Variants in MCPH1 observed in about 807,000 individuals in gnomAD.
The protein encoded by MCPH1 is microcephalin.
Under a neutral mutation model 84.5 loss-of-function variants are expected in MCPH1, and 104 were observed. That is an observed-to-expected ratio of 1.23 (90% CI 1.05 to 1.45). The LOEUF (loss-of-function observed/expected upper bound fraction) is 1.45. Among genes scored for constraint, MCPH1 ranks in the 40% most tolerant of loss-of-function variants. The probability of loss-of-function intolerance (pLI) is 0.00; values close to 1 mark genes in which losing one functional copy is unlikely to be tolerated. For synonymous variants in MCPH1, 514 were observed against 366.8 expected (o/e 1.40, Z -4.58); for missense variants, 1,498 against 1,005.7 (o/e 1.49, Z -6.62).
intron 9 of MCPH1, among the ~76,000 whole-genome samples, chr8:6,461,387 C>T (rs1230405335): frequency 6.8e-6 from 1 of 147,016 alleles, no homozygotes; most frequent in Non-Finnish European, 1.5e-5. Flanking sequence ...GTGCAGTGGC[C>T]CAGTCTTGGC....
intron 12 of MCPH1, chr8:6,521,546 C>G (rs1242887593): frequency 6.0e-6 from 4 of 661,368 alleles, no homozygotes; most frequent in Non-Finnish European, 9.9e-6. Flanking sequence ...TACCAGAGCC[C>G]TAAGGAATCT....
intron 13 of MCPH1, chr8:6,635,203 GGTT>G (rs1465587003): frequency 6.6e-6 from 1 of 152,184 alleles, no homozygotes; most frequent in African/African-American, 2.4e-5. Flanking sequence ...ATGAGGCTCC[GGTT>G]GTTCATTTCA....
chr8:6,417,959 C>G (rs1352901827), intron 3 of MCPH1, among the ~76,000 whole-genome samples: 1 of 152,188 alleles, frequency 6.6e-6, no homozygotes, highest in Non-Finnish European at 1.5e-5. Flanking sequence ...AAGCAGTTAA[C>G]TTGTCGTTAA....
intron 12 of MCPH1, among the ~76,000 whole-genome samples, chr8:6,546,451 C>G (rs765321888): frequency 1.3e-5 from 2 of 152,144 alleles, no homozygotes; most frequent in Non-Finnish European, 2.9e-5. Context: ...CAATTTGATT[C>G]CAAAGTTTGA....
intron 12 of MCPH1, among the ~76,000 whole-genome samples, chr8:6,575,072 C>T (rs1826959013): frequency 6.6e-6 from 1 of 152,144 alleles, no homozygotes; most frequent in Non-Finnish European, 1.5e-5. Flanking sequence ...AGCAGAGAGG[C>T]AATGCATGCA....
At chr8:6,454,007 C>G (rs1392256328) in intron 8 of MCPH1, among the ~76,000 whole-genome samples, 1 of 152,138 alleles carries the variant, frequency 6.6e-6, no homozygotes, top group African/African-American at 2.4e-5. Context: ...ATTCTACATC[C>G]TTTTTCACTG....
At chr8:6,443,295 A>G (rs1803782623) in intron 7 of MCPH1, among the ~76,000 whole-genome samples, 1 of 152,254 alleles carries the variant, frequency 6.6e-6, no homozygotes, top group Admixed American at 6.5e-5. Context: ...GGGTTTTTGA[A>G]AAGTGTGATA....
At chr8:6,561,327 A>G (rs1193910764) in intron 12 of MCPH1, among the ~76,000 whole-genome samples, 1 of 152,226 alleles carries the variant, frequency 6.6e-6, no homozygotes, top group Non-Finnish European at 1.5e-5. Context: ...TTGTTGTTTT[A>G]AATGACTCCT....
intron 3 of MCPH1, among the ~76,000 whole-genome samples, chr8:6,421,112 G>A (rs1800131640): frequency 6.6e-6 from 1 of 152,190 alleles, no homozygotes; most frequent in South Asian, 2.1e-4. Context: ...AGCTTGTTTA[G>A]GAAGTTGTGT....
chr8:6,434,854 A>G lies in MCPH1; in HGVS notation c.322-1194A>G, dbSNP rs1318933069. Among the ~76,000 whole-genome samples, 5 of 152,230 alleles carry G rather than the reference A, an allele frequency of 3.3e-5. No individual in the cohort carries two copies. The East Asian group carries it at 5.8e-4, about 18-fold the overall frequency. On this transcript the variant is annotated intron_variant, in intron 4 of 13. Transcript: ENST00000344683. The stretch of plus-strand genomic sequence containing the variant: ...ATGACTTAAATTTCCCTGGGGTCCT[A>G]TAAGAAAGAAGTCAGGCATAAAAGT...
intron 9 of MCPH1, chr8:6,473,815 T>A: frequency 2.5e-6 from 3 of 1,223,536 alleles, no homozygotes; most frequent in Non-Finnish European, 3.3e-6. Flanking sequence ...TCAGCAAGAG[T>A]GATTGTAAAG....
chr8:6,611,521 CA>C (rs1830262333), intron 12 of MCPH1, among the ~76,000 whole-genome samples: 1 of 152,234 alleles, frequency 6.6e-6, no homozygotes, highest in Admixed American at 6.5e-5. Context: ...GGCCGGGGAG[CA>C]GGGCATACGG....
intron 8 of MCPH1, among the ~76,000 whole-genome samples, chr8:6,449,445 C>T (rs1321494670): frequency 6.6e-6 from 1 of 152,006 alleles, no homozygotes; most frequent in African/African-American, 2.4e-5. Flanking sequence ...ACCAACCTGA[C>T]CAACATAGTG....
intron 13 of MCPH1, 160 bp from the exon 14 acceptor site, chr8:6,642,834 A>T: frequency 1.4e-6 from 1 of 701,954 alleles, no homozygotes; most frequent in Non-Finnish European, 2.6e-6. Context: ...ACGTTAATTT[A>T]AAAAGGTATG....
intron 12 of MCPH1, among the ~76,000 whole-genome samples, chr8:6,615,418 T>G (rs1000756890): frequency 1.3e-5 from 2 of 152,246 alleles, no homozygotes; most frequent in African/African-American, 4.8e-5. Flanking sequence ...ATGAGTTCAC[T>G]TAACGACACA....
At chr8:6,623,013 C>CTTTTTTTTT (rs1164226735) in intron 13 of MCPH1, among the ~76,000 whole-genome samples, 14 of 109,892 alleles carry the variant, frequency 1.3e-4, no homozygotes, top group Non-Finnish European at 1.8e-4. Context: ...GCTTTACTTT[C>CTTTTTTTTT]TTTTTTTTTT....
At chr8:6,447,042 T>C in intron 8 of MCPH1, 1 of 985,338 alleles carries the variant, frequency 1.0e-6, no homozygotes, top group Non-Finnish European at 1.2e-6. Context: ...CAAGAAAACA[T>C]TCTGTGTGCG....
At chr8:6,431,109 A>G (rs1008615554) in intron 3 of MCPH1, among the ~76,000 whole-genome samples, 1 of 152,120 alleles carries the variant, frequency 6.6e-6, no homozygotes, top group Non-Finnish European at 1.5e-5. Flanking sequence ...CTCTGACTTC[A>G]ATTTCTTTAC....
intron 3 of MCPH1, among the ~76,000 whole-genome samples, chr8:6,424,022 C>T (rs981841001): frequency 2.6e-5 from 4 of 152,154 alleles, no homozygotes; most frequent in African/African-American, 9.7e-5. Flanking sequence ...AACTGCCTGC[C>T]TTTCCAATGC....
Sources: gnomAD v4.1 joint callset for allele counts (sites outside exome capture counted in the v4.1 genomes callset) on GRCh38, gnomAD v4.1.1 for gene constraint, MANE v1.5 for transcripts, NCBI Gene and HGNC (gene_info 2026-07-23, HGNC 2026-07-21) for gene names.